The following LINGO2 variants were observed in gnomAD, a reference collection of about 807,000 sequenced individuals.
LINGO2 encodes the protein leucine rich repeat and Ig domain containing 2, also known as leucine-rich repeat and immunoglobulin-like domain-containing nogo receptor-interacting protein 2.
LINGO2 carries 14 observed loss-of-function variants against 30.6 expected under a neutral mutation model. The observed-to-expected ratio is 0.46, with a 90% confidence interval of 0.30 to 0.72. The LOEUF (loss-of-function observed/expected upper bound fraction) is 0.72. Ranked by LOEUF, LINGO2 falls within the 30% of genes least tolerant of loss-of-function variation. LINGO2 has a pLI of 0.07. For missense variants in LINGO2, 729 were observed against 751.7 expected (o/e 0.97, Z 0.35); for synonymous variants, 317 against 288.5 (o/e 1.10, Z -1.00).
chr9:28,480,399 A>C (rs985192844), intron 1 of LINGO2, among the ~76,000 whole-genome samples: 5 of 152,076 alleles, frequency 3.3e-5, no homozygotes, highest in Non-Finnish European at 7.4e-5. Flanking sequence ...ATTCAGAGAA[A>C]TTTATTCTTT....
At chr9:28,165,860 T>C (rs1828413430) in intron 4 of LINGO2, among the ~76,000 whole-genome samples, 1 of 152,174 alleles carries the variant, frequency 6.6e-6, no homozygotes, top group Non-Finnish European at 1.5e-5. Context: ...CCAATAAGAA[T>C]ATTTTGCTTC....
intron 5 of LINGO2, among the ~76,000 whole-genome samples, chr9:27,973,677 T>A (rs993828020): frequency 3.3e-5 from 5 of 152,158 alleles, no homozygotes; most frequent in African/African-American, 1.2e-4. Flanking sequence ...GGTTTTCAGA[T>A]ATAGCTTCTG....
chr9:28,605,062 T>TGG (rs1825644266), intron 1 of LINGO2, among the ~76,000 whole-genome samples: 2 of 152,054 alleles, frequency 1.3e-5, no homozygotes, highest in African/African-American at 2.4e-5. Context: ...AAACTTGTAC[T>TGG]CTACAGTATG....
chr9:28,423,391 A>G (rs1174227947), intron 2 of LINGO2, among the ~76,000 whole-genome samples: 2 of 152,150 alleles, frequency 1.3e-5, no homozygotes, highest in African/African-American at 4.8e-5. Context: ...AGAATATTCA[A>G]GTTAATCATC....
chr9:28,120,842 CT>C (rs1433090819), intron 4 of LINGO2, among the ~76,000 whole-genome samples: 1 of 152,016 alleles, frequency 6.6e-6, no homozygotes, highest in Non-Finnish European at 1.5e-5. Flanking sequence ...CTTTACGTAC[CT>C]TTTGTGGTAT....
At chr9:27,953,142 T>C (rs1239899652) in intron 5 of LINGO2, among the ~76,000 whole-genome samples, 8 of 152,040 alleles carry the variant, frequency 5.3e-5, no homozygotes, top group Admixed American at 2.6e-4. Flanking sequence ...AGTTTGATAA[T>C]CATTTTTAGC....
chr9:28,533,971 T>C (rs1313551559), intron 1 of LINGO2, among the ~76,000 whole-genome samples: 2 of 152,174 alleles, frequency 1.3e-5, no homozygotes, highest in East Asian at 1.9e-4. Context: ...GACCTATACA[T>C]TGATAAACAC....
intron 3 of LINGO2, among the ~76,000 whole-genome samples, chr9:28,311,621 CT>C (rs1278270399): frequency 6.6e-6 from 1 of 152,172 alleles, no homozygotes; most frequent in Non-Finnish European, 1.5e-5. Context: ...AAATATGGCT[CT>C]TTTCTGTCTG....
intron 4 of LINGO2, among the ~76,000 whole-genome samples, chr9:28,140,330 A>G (rs995788790): frequency 1.3e-5 from 2 of 152,224 alleles, no homozygotes; most frequent in Admixed American, 1.3e-4. Flanking sequence ...ATGTTTACTG[A>G]GTGAACCAGA....
At chr9:28,908,266 G>A in the LINGO2 span, among the ~76,000 whole-genome samples, 1 of 151,636 alleles carries the variant, frequency 6.6e-6, no homozygotes, top group Non-Finnish European at 1.5e-5. Context: ...AAGTGTGCTA[G>A]GGAAGGTCTA....
the LINGO2 span, among the ~76,000 whole-genome samples, chr9:28,902,879 T>G: frequency 2.0e-5 from 3 of 151,206 alleles, no homozygotes; most frequent in African/African-American, 7.3e-5. Context: ...GAAAAAACAG[T>G]TCTAAGTAGT....
At chr9:28,153,507 G>C (rs1828054353) in intron 4 of LINGO2, among the ~76,000 whole-genome samples, 1 of 152,150 alleles carries the variant, frequency 6.6e-6, no homozygotes, top group Non-Finnish European at 1.5e-5. Flanking sequence ...ATGAGCAAAA[G>C]TCTTGTTGTT....
the LINGO2 span, among the ~76,000 whole-genome samples, chr9:29,102,866 C>T: frequency 6.6e-6 from 1 of 152,040 alleles, no homozygotes; most frequent in African/African-American, 2.4e-5. Flanking sequence ...GCTTAGAAAG[C>T]ATTCTCTCTA....
intron 1 of LINGO2, among the ~76,000 whole-genome samples, chr9:28,589,014 G>A (rs751682088): frequency 2.6e-5 from 4 of 152,094 alleles, no homozygotes; most frequent in Non-Finnish European, 4.4e-5. Flanking sequence ...ATCAATAAAT[G>A]TAATCCAGCA....
At chr9:29,015,818 C>T in the LINGO2 span, among the ~76,000 whole-genome samples, 1 of 152,154 alleles carries the variant, frequency 6.6e-6, no homozygotes, top group East Asian at 1.9e-4. Context: ...ATTAGAATTT[C>T]ATACATCTAA....
At chr9:28,988,175 G>C in the LINGO2 span, among the ~76,000 whole-genome samples, 4 of 152,064 alleles carry the variant, frequency 2.6e-5, no homozygotes, top group Admixed American at 6.5e-5. Flanking sequence ...TCTCCCTTCA[G>C]GTAGTTTAAT....
chr9:28,346,305 C>A (rs1819565488), intron 3 of LINGO2, among the ~76,000 whole-genome samples: 2 of 152,084 alleles, frequency 1.3e-5, no homozygotes, highest in African/African-American at 4.8e-5. Context: ...ATGTGGTATT[C>A]ATTCCCGCAT....
intron 1 of LINGO2, among the ~76,000 whole-genome samples, chr9:28,532,045 C>A (rs1327129844): frequency 2.0e-5 from 3 of 152,102 alleles, no homozygotes; most frequent in African/African-American, 7.2e-5. Flanking sequence ...CATTAGGAGT[C>A]ATTCAGATTT....
intron 3 of LINGO2, among the ~76,000 whole-genome samples, chr9:28,361,963 A>G (rs933760141): frequency 1.2e-4 from 18 of 152,192 alleles, no homozygotes; most frequent in Admixed American, 2.6e-4. Context: ...ACTCATTTAC[A>G]TCTATGCCCG....
Sources: allele counts gnomAD v4.1 joint callset (sites outside exome capture counted in the v4.1 genomes callset), GRCh38; gene constraint gnomAD v4.1.1; transcripts MANE v1.5; gene names NCBI Gene and HGNC (gene_info 2026-07-23, HGNC 2026-07-21).